The following BOLL variants were observed in gnomAD, a reference collection of about 807,000 sequenced individuals.
BOLL encodes boule RNA binding protein.
Under a neutral mutation model 44.4 loss-of-function variants are expected in BOLL, and 23 were observed. The observed-to-expected ratio is 0.52, with a 90% CI of 0.37 to 0.73. The LOEUF (loss-of-function observed/expected upper bound fraction) is 0.73. Ranked by LOEUF, BOLL falls within the 30% of genes least tolerant of loss-of-function variation. The pLI is 0.00. For missense variants in BOLL, 287 were observed against 338.3 expected (o/e 0.85, Z 1.19); for synonymous variants, 97 against 110.8 (o/e 0.88, Z 0.78).
chr2:197,748,460 G>A (rs1688086807), intron 9 of BOLL, among the ~76,000 whole-genome samples: 1 of 152,238 alleles, frequency 6.6e-6, no homozygotes, highest in South Asian at 2.1e-4. Context: ...CTTCCATGGA[G>A]CCCAGCAAGC....
chr2:197,781,213 T>TG (rs1689763049), intron 2 of BOLL, among the ~76,000 whole-genome samples: 1 of 152,076 alleles, frequency 6.6e-6, no homozygotes, highest in Non-Finnish European at 1.5e-5. Context: ...AGGACTTTTT[T>TG]GGTGATCAAA....
intron 9 of BOLL, among the ~76,000 whole-genome samples, chr2:197,754,526 G>A (rs906999291): frequency 6.6e-6 from 1 of 151,990 alleles, no homozygotes; most frequent in African/African-American, 2.4e-5. Context: ...TGGCCAACAC[G>A]GTGAAACCCC....
At chr2:197,754,635 A>G (rs1213361171) in intron 9 of BOLL, among the ~76,000 whole-genome samples, 1 of 152,104 alleles carries the variant, frequency 6.6e-6, no homozygotes, top group African/African-American at 2.4e-5. Context: ...AATCACTCGA[A>G]CCTGGGAGGT....
intron 10 of BOLL, among the ~76,000 whole-genome samples, chr2:197,730,186 T>C (rs1458462145): frequency 7.5e-6 from 1 of 133,828 alleles, no homozygotes; most frequent in Non-Finnish European, 1.6e-5. Context: ...CAGGAGCCAA[T>C]GCGATCAACT....
intron 1 of BOLL, chr2:197,784,741 A>G: frequency 1.0e-6 from 1 of 987,434 alleles, no homozygotes; most frequent in Non-Finnish European, 1.2e-6. Context: ...AAAATATTTT[A>G]ATGTTAGCAA....
intron 3 of BOLL, among the ~76,000 whole-genome samples, chr2:197,778,282 T>G (rs1689605302): frequency 6.6e-6 from 1 of 151,982 alleles, no homozygotes; most frequent in South Asian, 2.1e-4. Context: ...TATAAATATG[T>G]ATGTCTCGTC....
At chr2:197,786,069 C>A, upstream of BOLL, 2 of 1,577,396 alleles carry the variant, frequency 1.3e-6, no homozygotes, top group Non-Finnish European at 8.6e-7. The surrounding 1 kb of genome is among the most constrained non-coding windows in gnomAD (Gnocchi z 5.9). Flanking sequence ...ACCACCTTCA[C>A]GCCAAGGCAG....
intron 7 of BOLL, among the ~76,000 whole-genome samples, chr2:197,758,307 T>C (rs1009168383): frequency 1.1e-4 from 17 of 152,194 alleles, no homozygotes; most frequent in Non-Finnish European, 7.3e-5. Context: ...ATCCATACAA[T>C]GGGATATTAT....
intron 4 of BOLL, 146 bp from the exon 5 acceptor site, chr2:197,775,886 T>C: frequency 4.4e-6 from 2 of 452,922 alleles, no homozygotes; most frequent in Non-Finnish European, 7.6e-6. Context: ...AAGAGCCGTC[T>C]TCAGACTGAA....
rs1416831321 is a variant in BOLL at position 197,731,612 on chromosome 2, A to G, written c.829-3034T>C. On this transcript the variant is annotated intron_variant, in intron 10 of 10. Transcript: ENST00000392296. ...AAAAGAACAGAAATTATAACAAACT[A>G]TCTCTCAGACCACAGTGCAATCAAA... Among the ~76,000 whole-genome samples, 3 of 140,588 alleles carry G rather than the reference A, an allele frequency of 2.1e-5. No individual in the cohort carries two copies. In the East Asian group the frequency reaches 6.0e-4, roughly 28 times the overall value. 92.2% of individuals were successfully genotyped at this position (140,588 alleles called of 152,430 possible).
intron 10 of BOLL, among the ~76,000 whole-genome samples, chr2:197,738,117 C>A (rs1574807393): frequency 6.6e-6 from 1 of 152,286 alleles, no homozygotes; most frequent in Non-Finnish European, 1.5e-5. Context: ...TGATATTTAT[C>A]TTAGAAACAT....
chr2:197,770,328 C>T (rs966913807), intron 6 of BOLL, among the ~76,000 whole-genome samples: 1 of 152,098 alleles, frequency 6.6e-6, no homozygotes, highest in Non-Finnish European at 1.5e-5. Flanking sequence ...TTCCTTACAC[C>T]TTATACAAAA....
chr2:197,745,204 AATC>A (rs1687937437), intron 9 of BOLL, among the ~76,000 whole-genome samples: 1 of 152,166 alleles, frequency 6.6e-6, no homozygotes, highest in South Asian at 2.1e-4. Context: ...GGTTTAAAAT[AATC>A]ATTGAAATAA....
chr2:197,770,547 G>C (rs1055646787), intron 6 of BOLL, among the ~76,000 whole-genome samples: 10 of 152,152 alleles, frequency 6.6e-5, no homozygotes, highest in African/African-American at 2.4e-4. Flanking sequence ...ACTGCCATCA[G>C]AGTGAACAGG....
In BOLL at chr2:197,728,418, T is replaced by C; in HGVS notation, c.*137A>G. The C allele has an allele frequency of 1.5e-6, 2 of 1,347,484 alleles. No homozygotes were observed. Among genetic ancestry groups the C allele is most frequent in the Non-Finnish European group, 1.0e-6 (1 of 958,202 alleles). The allele number at this position is 1,347,484 out of a possible 1,614,324, so 83.5% of individuals were successfully genotyped here. ...TTTAGACAGCTTATAGTGGAATAACTGAGTATGGTGAGGTATTAACTAACA... is the reference window on the plus strand; with the variant it reads ...TTTAGACAGCTTATAGTGGAATAACCGAGTATGGTGAGGTATTAACTAACA... On this transcript the variant is annotated 3_prime_UTR_variant, in exon 11 of 11. Coordinates refer to ENST00000392296, the MANE Select transcript of BOLL (RefSeq NM_033030.6).
At chr2:197,780,158 C>T (rs1212951058) in intron 2 of BOLL, among the ~76,000 whole-genome samples, 1 of 151,850 alleles carries the variant, frequency 6.6e-6, no homozygotes, top group African/African-American at 2.4e-5. Flanking sequence ...TAATCACTAC[C>T]TCAATTTTGT....
chr2:197,785,242 T>G lies in BOLL; in HGVS notation c.-202A>C, dbSNP rs974574655. ...AAAAGAAGGCTAGCCAGCGAGAAAT[T>G]TTGCCCCACAAATCCGCCAGCAGCA... On this transcript the variant is annotated 5_prime_UTR_variant, in exon 1 of 11. Transcript: ENST00000392296. The surrounding 1 kb of genome is among the most constrained non-coding windows in gnomAD (Gnocchi z 6.7). 15 of 985,654 alleles carry G rather than the reference T, an allele frequency of 1.5e-5. No homozygotes were observed. Among genetic ancestry groups the G allele is most frequent in the Middle Eastern group, 5.2e-4 (1 of 1,936 alleles). The allele number at this position is 985,654 out of a possible 1,614,324, so 61.1% of individuals were successfully genotyped here. A position where few individuals can be genotyped will look rare whatever the true frequency, so the allele number is the denominator to read the frequency against.
At chr2:197,777,942 A>G (rs905647059) in intron 3 of BOLL, among the ~76,000 whole-genome samples, 3 of 151,946 alleles carry the variant, frequency 2.0e-5, no homozygotes, top group Admixed American at 2.0e-4. Context: ...ATTTGCCCAA[A>G]CATTAAAAAG....
At chr2:197,753,642 G>C (rs1228190595) in intron 9 of BOLL, among the ~76,000 whole-genome samples, 1 of 152,218 alleles carries the variant, frequency 6.6e-6, no homozygotes, top group Admixed American at 6.5e-5. Context: ...AACAACAGAT[G>C]CTGGAGAGGA....
Sources: allele counts gnomAD v4.1 joint callset (sites outside exome capture counted in the v4.1 genomes callset), GRCh38; gene constraint gnomAD v4.1.1; non-coding constraint Gnocchi (gnomAD v3.1); transcripts MANE v1.5; gene names NCBI Gene and HGNC (gene_info 2026-07-23, HGNC 2026-07-21).